The following ACSS3 variants were observed in gnomAD, a reference collection of about 807,000 sequenced individuals.
The protein encoded by ACSS3 is acyl-CoA synthetase short-chain family member 3, mitochondrial.
ACSS3 carries 64 observed loss-of-function variants against 84.2 expected under a neutral mutation model. The observed-to-expected ratio is 0.76, with a 90% confidence interval of 0.62 to 0.94. The LOEUF (loss-of-function observed/expected upper bound fraction) is 0.94. ACSS3 is among the 40% of genes least tolerant of loss of function. ACSS3 has a pLI of 0.00. For synonymous variants in ACSS3, 317 were observed against 310.1 expected (o/e 1.02, Z -0.23); for missense variants, 815 against 867.6 (o/e 0.94, Z 0.76).
At chr12:81,150,785 T>C (rs1029768043) in intron 5 of ACSS3, among the ~76,000 whole-genome samples, 1 of 152,230 alleles carries the variant, frequency 6.6e-6, no homozygotes, top group African/African-American at 2.4e-5. Context: ...TTCATTTTCC[T>C]GATTTGTGTA....
intron 2 of ACSS3, among the ~76,000 whole-genome samples, chr12:81,122,759 T>G (rs1884740005): frequency 6.6e-6 from 1 of 152,172 alleles, no homozygotes; most frequent in South Asian, 2.1e-4. Flanking sequence ...AAAAGTTACC[T>G]CTCTAATAGT....
chr12:81,226,949 A>G (rs2033292902), intron 11 of ACSS3, among the ~76,000 whole-genome samples: 1 of 150,786 alleles, frequency 6.6e-6, no homozygotes, highest in African/African-American at 2.4e-5. Context: ...CCGAAGAAAT[A>G]GAACCAATAG....
At chr12:81,221,512 G>A (rs558457396) in intron 11 of ACSS3, among the ~76,000 whole-genome samples, 5 of 152,162 alleles carry the variant, frequency 3.3e-5, no homozygotes, top group Admixed American at 3.3e-4. Flanking sequence ...TATATAGAAA[G>A]CTAATAGAAA....
chr12:81,201,887 GT>G (rs2032127364), intron 9 of ACSS3, among the ~76,000 whole-genome samples: 1 of 152,118 alleles, frequency 6.6e-6, no homozygotes, highest in Non-Finnish European at 1.5e-5. Context: ...TGATGCAGAG[GT>G]TGGCTAACAG....
At chr12:81,249,998 C>T (rs1414755560) in intron 13 of ACSS3, among the ~76,000 whole-genome samples, 7 of 152,012 alleles carry the variant, frequency 4.6e-5, no homozygotes, top group Non-Finnish European at 1.5e-5. Context: ...TTTACTAGTC[C>T]TAATCTCATA....
chr12:81,090,753 A>G (rs751790812), intron 1 of ACSS3, among the ~76,000 whole-genome samples: 1 of 152,036 alleles, frequency 6.6e-6, no homozygotes, highest in Non-Finnish European at 1.5e-5. Flanking sequence ...AGGATATTTT[A>G]TAATCCATGG....
chr12:81,252,193 C>T (rs1349296385), intron 13 of ACSS3, among the ~76,000 whole-genome samples: 4 of 152,052 alleles, frequency 2.6e-5, no homozygotes, highest in Non-Finnish European at 4.4e-5. Context: ...AGGCCCATAT[C>T]TTTCTGCAAA....
intron 11 of ACSS3, 69 bp downstream of exon 11, chr12:81,220,145 G>A: frequency 1.1e-6 from 1 of 931,994 alleles, no homozygotes; most frequent in South Asian, 2.4e-5. Context: ...AAAAAATGGG[G>A]TCATTGCAGT....
Position 81,255,859 on chromosome 12 carries a change from A to G in ACSS3, c.*937A>G, listed in dbSNP as rs2034278387. Reference sequence around the variant, plus strand: ...GAGAACAAAGAGATCATTTAGTCCAATCTCTTCATGGAGATGAGGGCTCCT... The same window carrying G: ...GAGAACAAAGAGATCATTTAGTCCAGTCTCTTCATGGAGATGAGGGCTCCT... On this transcript the variant is annotated 3_prime_UTR_variant, in exon 16 of 16. Coordinates refer to ENST00000548058, the MANE Select transcript of ACSS3 (RefSeq NM_024560.4). 1.3e-5 allele frequency: 2 copies of G among 152,176 alleles called. No homozygotes were observed. Among genetic ancestry groups the G allele is most frequent in the African/African-American group, 2.4e-5 (1 of 41,452 alleles). The allele number at this position is 152,176 out of a possible 1,614,324, so 9.4% of individuals were successfully genotyped here.
chr12:81,080,577 G>T (rs1420092634), intron 1 of ACSS3, among the ~76,000 whole-genome samples: 2 of 152,078 alleles, frequency 1.3e-5, no homozygotes, highest in Non-Finnish European at 1.5e-5. Flanking sequence ...GGTTGGGCAA[G>T]CAGGGTTGGG....
intron 3 of ACSS3, among the ~76,000 whole-genome samples, chr12:81,137,321 T>TCACACACACACA (rs57701806): frequency 1.3e-4 from 19 of 141,820 alleles, no homozygotes; most frequent in African/African-American, 3.7e-4. Flanking sequence ...TTTTCATCCA[T>TCACACACACACA]CACACACACA....
intron 2 of ACSS3, among the ~76,000 whole-genome samples, chr12:81,122,008 A>G (rs1214573621): frequency 6.6e-6 from 1 of 151,578 alleles, no homozygotes; most frequent in African/African-American, 2.4e-5. Context: ...ATCTTGGCTC[A>G]CTGCAGCCTC....
intron 8 of ACSS3, among the ~76,000 whole-genome samples, chr12:81,180,835 T>C (rs1356922191): frequency 6.6e-6 from 1 of 152,164 alleles, no homozygotes; most frequent in Non-Finnish European, 1.5e-5. Context: ...CATTTTTATT[T>C]AATCTGATGC....
intron 1 of ACSS3, among the ~76,000 whole-genome samples, chr12:81,097,193 A>G (rs1882127527): frequency 6.6e-6 from 1 of 152,226 alleles, no homozygotes; most frequent in Non-Finnish European, 1.5e-5. Flanking sequence ...TACTAGACAG[A>G]GCTGCTCTAG....
intron 11 of ACSS3, among the ~76,000 whole-genome samples, chr12:81,222,236 A>G (rs2033135074): frequency 6.6e-6 from 1 of 152,060 alleles, no homozygotes; most frequent in Non-Finnish European, 1.5e-5. Context: ...ATGTTATGAC[A>G]AACAGTAGAA....
chr12:81,081,078 C>T lies in ACSS3; in HGVS notation c.311+2647C>T, dbSNP rs7959612. Among the ~76,000 whole-genome samples, 479 of 152,190 alleles carry T rather than the reference C, an allele frequency of 3.1e-3. 4 individuals are homozygous for T. Among genetic ancestry groups the T allele is most frequent in the African/African-American group, 0.011 (467 of 41,518 alleles). On this transcript the variant is annotated intron_variant, in intron 1 of 15. Coordinates refer to ENST00000548058, the MANE Select transcript of ACSS3 (RefSeq NM_024560.4). ...CCCTTCGGCTTCCCAGAGGCAAGAG[C>T]GATTCTTCATTATAAGCTTGTCTGT... is the stretch of plus-strand genomic sequence containing the variant.
chr12:81,145,957 G>T (rs1886320639), intron 5 of ACSS3, among the ~76,000 whole-genome samples: 1 of 152,084 alleles, frequency 6.6e-6, no homozygotes, highest in Non-Finnish European at 1.5e-5. Flanking sequence ...ATCTCTTTAG[G>T]TCCCTCTTCC....
In ACSS3 at chr12:81,151,849, G is replaced by A. The variant is rs1324934923; in HGVS notation, c.927G>A (p.Val309=). 2 of 1,613,462 alleles carry A rather than the reference G, an allele frequency of 1.2e-6. No homozygotes were observed. The highest frequency in any genetic ancestry group is 3.3e-5 in the Admixed American group (2 of 60,014). ...TTCACTTTTTCTCTCCTTAGGGTGT[G>A]ATTAGGCCCACTGGGGGATACGCTG... ...TSGTTGLPKG[V]IRPTGGYAVM... The change falls in exon 6 of 16, where the codon GTG becomes GTA. Residue 309 remains valine, a synonymous_variant. Transcript: ENST00000548058.
chr12:81,240,258 A>G (rs940996309), intron 13 of ACSS3, among the ~76,000 whole-genome samples: 1 of 151,962 alleles, frequency 6.6e-6, no homozygotes, highest in Non-Finnish European at 1.5e-5. Flanking sequence ...CCTAAGGATC[A>G]TCATGCCTTC....
Sources: allele counts gnomAD v4.1 joint callset (sites outside exome capture counted in the v4.1 genomes callset), GRCh38; gene constraint gnomAD v4.1.1; transcripts MANE v1.5; gene names NCBI Gene and HGNC (gene_info 2026-07-23, HGNC 2026-07-21).